Variants in TMEM132B observed in about 807,000 individuals in gnomAD.
TMEM132B encodes transmembrane protein 132B.
In TMEM132B, 18 loss-of-function variants were observed where a neutral mutation model predicts 90.8. That is an observed-to-expected ratio of 0.20 (90% CI 0.14 to 0.29). TMEM132B has a LOEUF of 0.29. Ranked by LOEUF, TMEM132B falls within the 10% of genes least tolerant of loss-of-function variation. TMEM132B has a pLI of 1.00. For synonymous variants in TMEM132B, 504 were observed against 523.3 expected (o/e 0.96, Z 0.50); for missense variants, 1,096 against 1,326.8 (o/e 0.83, Z 2.70).
chr12:125,349,047 G>T lies in TMEM132B; in HGVS notation c.68-405G>T, dbSNP rs1260619390. 6.6e-6 allele frequency among the ~76,000 whole-genome samples: 1 copy of T among 152,180 alleles called. No homozygotes were observed. Among genetic ancestry groups the T allele is most frequent in the Non-Finnish European group, 1.5e-5 (1 of 68,032 alleles). On this transcript the variant is annotated intron_variant, in intron 1 of 8. Transcript: ENST00000682704. The surrounding 1 kb of genome is among the most constrained non-coding windows in gnomAD (Gnocchi z 4.1). The stretch of plus-strand genomic sequence containing the variant: ...AGCAGCATAAATATCAAAGTAATAA[G>T]GCACTAACGTGTCACATACAATGGT...
At chr12:125,391,845 C>T (rs939418732) in intron 2 of TMEM132B, among the ~76,000 whole-genome samples, 1 of 152,196 alleles carries the variant, frequency 6.6e-6, no homozygotes, top group African/African-American at 2.4e-5. Flanking sequence ...CAACTCACTG[C>T]AGCCTCAACC....
At chr12:125,438,688 A>G (rs973766939) in intron 3 of TMEM132B, among the ~76,000 whole-genome samples, 2 of 150,712 alleles carry the variant, frequency 1.3e-5, no homozygotes, top group Non-Finnish European at 3.0e-5. Context: ...TCCTTCCTTA[A>G]GGTTAACCAT....
At position 125,349,934 on chromosome 12, in the gene TMEM132B, G is replaced by A. The variant is rs1877502433; in HGVS notation, c.550G>A (p.Ala184Thr). ...EVAASCRLQG[A>T]PGLCVAELEL... Reference sequence around the variant, plus strand: ...GGCAGCCAGCTGTCGGCTGCAAGGGGCCCCAGGGCTGTGTGTGGCTGAGCT... The same window carrying A: ...GGCAGCCAGCTGTCGGCTGCAAGGGACCCCAGGGCTGTGTGTGGCTGAGCT... Residue 184 changes from alanine to threonine, a missense_variant, in exon 2 of 9, where the codon GCC (alanine) becomes ACC (threonine). Ala to Thr is a moderately conservative substitution (Grantham distance 58). Coordinates refer to ENST00000682704, the MANE Select transcript of TMEM132B (RefSeq NM_001366854.1). The surrounding 1 kb of genome is among the most constrained non-coding windows in gnomAD (Gnocchi z 4.1). 9 of 1,614,204 alleles carry A rather than the reference G, an allele frequency of 5.6e-6. No homozygotes were observed. The East Asian group carries it at 2.0e-4, about 36-fold the overall frequency.
chr12:125,510,764 T>A (rs1302275137), intron 3 of TMEM132B, among the ~76,000 whole-genome samples: 1 of 152,248 alleles, frequency 6.6e-6, no homozygotes, highest in Non-Finnish European at 1.5e-5. Flanking sequence ...ATCATTACCA[T>A]GCATGTTTTT....
intron 2 of TMEM132B, among the ~76,000 whole-genome samples, chr12:125,380,519 C>T (rs1228310831): frequency 6.6e-6 from 1 of 152,222 alleles, no homozygotes; most frequent in African/African-American, 2.4e-5. Flanking sequence ...CCTCCCACAG[C>T]ACCAAGGAGT....
intron 1 of TMEM132B, among the ~76,000 whole-genome samples, chr12:125,284,415 T>A (rs1470124953): frequency 6.6e-6 from 1 of 152,220 alleles, no homozygotes; most frequent in Non-Finnish European, 1.5e-5. Flanking sequence ...GGCACGGAGC[T>A]GTAGCAGTGG....
chr12:125,470,962 G>A (rs1230373868), intron 3 of TMEM132B, among the ~76,000 whole-genome samples: 4 of 152,312 alleles, frequency 2.6e-5, no homozygotes, highest in South Asian at 4.1e-4. Flanking sequence ...AAATTACCTC[G>A]ACCTGACCAG....
chr12:125,288,335 C>G (rs529474607), intron 1 of TMEM132B, among the ~76,000 whole-genome samples: 1 of 151,562 alleles, frequency 6.6e-6, no homozygotes, highest in Admixed American at 6.6e-5. Flanking sequence ...TGGTGGTGCA[C>G]GCCTGTAATT....
chr12:125,287,006 A>C, intron 1 of TMEM132B, among the ~76,000 whole-genome samples: 1 of 139,678 alleles, frequency 7.2e-6, no homozygotes, highest in African/African-American at 2.6e-5. Context: ...TCTGGCCAGA[A>C]TTCCTCTTTT....
intron 4 of TMEM132B, among the ~76,000 whole-genome samples, chr12:125,522,567 C>T (rs777908060): frequency 2.6e-5 from 4 of 152,184 alleles, no homozygotes; most frequent in East Asian, 1.9e-4. Context: ...ATGCAGCACT[C>T]GAGTAGAGCT....
intron 3 of TMEM132B, among the ~76,000 whole-genome samples, chr12:125,518,622 C>T (rs1002024366): frequency 2.0e-5 from 3 of 152,222 alleles, no homozygotes; most frequent in South Asian, 2.1e-4. Context: ...CCTGTCAATG[C>T]GATAGCCTGC....
intron 1 of TMEM132B, among the ~76,000 whole-genome samples, chr12:125,307,270 A>G (rs1054935340): frequency 2.0e-5 from 3 of 152,202 alleles, no homozygotes; most frequent in Admixed American, 6.5e-5. Flanking sequence ...CGGCACATAG[A>G]GAGGGCTCAT....
At chr12:125,324,209 C>A (rs907592178) in intron 1 of TMEM132B, among the ~76,000 whole-genome samples, 6 of 152,178 alleles carry the variant, frequency 3.9e-5, no homozygotes, top group African/African-American at 1.4e-4. Flanking sequence ...AATAATAATT[C>A]TTTGAAGGTC....
chr12:125,233,598 CT>C, intron 1 of TMEM132B, among the ~76,000 whole-genome samples: 1 of 152,336 alleles, frequency 6.6e-6, no homozygotes, highest in Admixed American at 6.5e-5. Flanking sequence ...TTTCAGCTGC[CT>C]CAAATAAACT....
At chr12:125,491,378 T>C (rs1184143917) in intron 3 of TMEM132B, among the ~76,000 whole-genome samples, 1 of 152,098 alleles carries the variant, frequency 6.6e-6, no homozygotes, top group Non-Finnish European at 1.5e-5. Flanking sequence ...TAATTACTAA[T>C]ACAAAGCTTT....
intron 4 of TMEM132B, among the ~76,000 whole-genome samples, chr12:125,576,668 A>G (rs1282208464): frequency 1.3e-5 from 2 of 152,066 alleles, no homozygotes; most frequent in Non-Finnish European, 2.9e-5. Context: ...TAGTTTTATC[A>G]TTAAAAGGTG....
At chr12:125,552,804 G>A (rs1335914304) in intron 4 of TMEM132B, among the ~76,000 whole-genome samples, 3 of 152,238 alleles carry the variant, frequency 2.0e-5, no homozygotes, top group Admixed American at 2.0e-4. Flanking sequence ...AATCTGTAAT[G>A]TGTCAGTAGA....
At chr12:125,333,287 T>G (rs368012278) in intron 1 of TMEM132B, among the ~76,000 whole-genome samples, 1 of 152,210 alleles carries the variant, frequency 6.6e-6, no homozygotes, top group Non-Finnish European at 1.5e-5. Flanking sequence ...ATTGGACTTA[T>G]GTCATCCAAT....
intron 1 of TMEM132B, among the ~76,000 whole-genome samples, chr12:125,263,929 T>C (rs1427275192): frequency 6.6e-6 from 1 of 152,212 alleles, no homozygotes; most frequent in Non-Finnish European, 1.5e-5. Context: ...TGGTGTTCCA[T>C]GTATTAATTT....
Sources: gnomAD v4.1 joint callset for allele counts (sites outside exome capture counted in the v4.1 genomes callset) on GRCh38, gnomAD v4.1.1 for gene constraint, Gnocchi (gnomAD v3.1) non-coding constraint, MANE v1.5 for transcripts, NCBI Gene and HGNC (gene_info 2026-07-23, HGNC 2026-07-21) for gene names.